The following MEF2A variants were observed in gnomAD, a reference collection of about 807,000 sequenced individuals.
MEF2A encodes the protein myocyte enhancer factor 2A, also known as myocyte-specific enhancer factor 2A.
Under a neutral mutation model 55.8 loss-of-function variants are expected in MEF2A, and 28 were observed. The observed-to-expected ratio is 0.50, with a 90% CI of 0.37 to 0.69. The LOEUF (loss-of-function observed/expected upper bound fraction) is 0.69, where lower values mean the gene tolerates loss of function less well. MEF2A is among the 30% of genes least tolerant of loss of function. MEF2A has a pLI of 0.00. For synonymous variants in MEF2A, 239 were observed against 227.1 expected, an observed-to-expected ratio of 1.05 and a Z score of -0.47; for missense variants, 528 against 626.2, an observed-to-expected ratio of 0.84 and a Z score of 1.67.
At chr15:99,595,353 A>G (rs1970794515) in intron 1 of MEF2A, among the ~76,000 whole-genome samples, 1 of 152,064 alleles carries the variant, frequency 6.6e-6, no homozygotes, top group Non-Finnish European at 1.5e-5. Context: ...CTCTGGCAGT[A>G]CTTCCTTCCC....
chr15:99,705,932 G>T (rs989640765), intron 9 of MEF2A, among the ~76,000 whole-genome samples: 1 of 152,224 alleles, frequency 6.6e-6, no homozygotes, highest in Non-Finnish European at 1.5e-5. Context: ...CCTTAAGCCA[G>T]TTTGGCGAGA....
chr15:99,668,937 G>A (rs947865608), intron 4 of MEF2A, among the ~76,000 whole-genome samples: 5 of 152,162 alleles, frequency 3.3e-5, no homozygotes, highest in Non-Finnish European at 5.9e-5. Context: ...AGGTACATTA[G>A]CTTATTATCT....
Position 99,711,957 on chromosome 15 carries a change from G to A in MEF2A, c.1137-433G>A, listed in dbSNP as rs546309485. 1.6e-3 allele frequency among the ~76,000 whole-genome samples: 241 copies of A among 152,294 alleles called. 2 individuals carry two copies. The highest frequency in any genetic ancestry group is 6.8e-3 in the Middle Eastern group (2 of 294). On this transcript the variant is annotated intron_variant, in intron 11 of 11. Coordinates refer to ENST00000557942, the MANE Select transcript of MEF2A (RefSeq NM_001319206.4). ...CTCATCTGGAAAATGGGGATGGTGC[G>A]ACTTGCACCTTAGAGGTGTTGCGAG...
chr15:99,570,088 A>T (rs1961500280), intron 1 of MEF2A, among the ~76,000 whole-genome samples: 1 of 152,030 alleles, frequency 6.6e-6, no homozygotes, highest in Non-Finnish European at 1.5e-5. Flanking sequence ...ATTATTAATT[A>T]TCTTAGTCGA....
At chr15:99,621,706 G>A (rs551835667) in intron 2 of MEF2A, among the ~76,000 whole-genome samples, 58 of 152,126 alleles carry the variant, frequency 3.8e-4, no homozygotes, top group African/African-American at 1.2e-3. Context: ...CTCAAGTTTC[G>A]TATGTCCAAA....
intron 7 of MEF2A, among the ~76,000 whole-genome samples, chr15:99,683,294 A>T (rs759803846): frequency 6.6e-6 from 1 of 152,230 alleles, no homozygotes; most frequent in Non-Finnish European, 1.5e-5. Context: ...GCAAAATTAG[A>T]TCATACATAT....
intron 8 of MEF2A, among the ~76,000 whole-genome samples, chr15:99,695,425 G>C (rs2056290054): frequency 6.6e-6 from 1 of 152,146 alleles, no homozygotes; most frequent in African/African-American, 2.4e-5. Context: ...CTACTAAGTA[G>C]CCCAAGAAAT....
At chr15:99,698,537 A>G (rs2056861756) in intron 8 of MEF2A, among the ~76,000 whole-genome samples, 1 of 152,224 alleles carries the variant, frequency 6.6e-6, no homozygotes, top group South Asian at 2.1e-4. Flanking sequence ...TCACACCTGT[A>G]ATCCCAGCAC....
chr15:99,662,597 TC>T (rs2048842294), intron 4 of MEF2A, among the ~76,000 whole-genome samples: 1 of 151,926 alleles, frequency 6.6e-6, no homozygotes, highest in Non-Finnish European at 1.5e-5. Context: ...TGCCTCATCC[TC>T]CTGAGTACCT....
chr15:99,617,246 G>T (rs561479055), intron 2 of MEF2A, among the ~76,000 whole-genome samples: 1 of 140,338 alleles, frequency 7.1e-6, no homozygotes, highest in African/African-American at 2.5e-5. Flanking sequence ...CATTTTTAAG[G>T]CCATATATGT....
intron 2 of MEF2A, among the ~76,000 whole-genome samples, chr15:99,615,935 A>G (rs917757836): frequency 1.3e-5 from 2 of 152,200 alleles, no homozygotes; most frequent in African/African-American, 4.8e-5. Context: ...GGTCAAGATC[A>G]CTAATAGCTA....
intron 4 of MEF2A, among the ~76,000 whole-genome samples, chr15:99,659,177 C>A (rs952310531): frequency 6.6e-6 from 1 of 151,834 alleles, no homozygotes; most frequent in African/African-American, 2.4e-5. Flanking sequence ...AGATCTAGAA[C>A]AGAGTTACAT....
In MEF2A at chr15:99,592,152, T is replaced by A. The variant is rs182556854; in HGVS notation, c.-224-6278T>A. Among the ~76,000 whole-genome samples, 38 of 152,286 alleles carry A rather than the reference T, an allele frequency of 2.5e-4. 2 individuals carry two copies. Among genetic ancestry groups the A allele is most frequent in the Admixed American group, 2.0e-3 (30 of 15,290 alleles). On this transcript the variant is annotated intron_variant, in intron 1 of 11. Transcript: ENST00000557942. ...TTTTGAGCTTGCTTTTACACTTTGT[T>A]CTGGCAGATCTAGTGTAGCCTTTAC...
intron 9 of MEF2A, 122 bp downstream of exon 9, chr15:99,703,507 C>G: frequency 8.1e-6 from 7 of 859,262 alleles, no homozygotes; most frequent in Non-Finnish European, 1.2e-5. Context: ...ACTATTCAAA[C>G]ACTTTGAATA....
intron 2 of MEF2A, among the ~76,000 whole-genome samples, chr15:99,601,340 T>C (rs779726769): frequency 6.6e-6 from 1 of 151,998 alleles, no homozygotes; most frequent in Non-Finnish European, 1.5e-5. Context: ...ATAAAGACTA[T>C]CTTATTTCCT....
chr15:99,583,510 C>A (rs1038056368), intron 1 of MEF2A, among the ~76,000 whole-genome samples: 14 of 151,974 alleles, frequency 9.2e-5, no homozygotes, highest in Admixed American at 1.3e-4. Context: ...GTGTGTGCTT[C>A]TTGTTACAGG....
intron 7 of MEF2A, among the ~76,000 whole-genome samples, chr15:99,683,041 T>A (rs547966722): frequency 6.6e-6 from 1 of 152,338 alleles, no homozygotes; most frequent in Admixed American, 6.5e-5. Context: ...TTAATAAACA[T>A]TTTTAATTCT....
chr15:99,700,545 A>G (rs937887517), intron 8 of MEF2A, among the ~76,000 whole-genome samples: 4 of 152,070 alleles, frequency 2.6e-5, no homozygotes, highest in African/African-American at 9.7e-5. Context: ...GTGTGTACAT[A>G]TGAATTAGTA....
chr15:99,651,113 C>T (rs2046780062), intron 4 of MEF2A, among the ~76,000 whole-genome samples: 1 of 152,064 alleles, frequency 6.6e-6, no homozygotes, highest in South Asian at 2.1e-4. Context: ...GTGAATTGCA[C>T]CTAAGGAATA....
Sources: gnomAD v4.1 joint callset for allele counts (sites outside exome capture counted in the v4.1 genomes callset) on GRCh38, gnomAD v4.1.1 for gene constraint, MANE v1.5 for transcripts, NCBI Gene and HGNC (gene_info 2026-07-23, HGNC 2026-07-21) for gene names.